AR: variants seen among roughly 807,000 people sequenced by gnomAD.
AR encodes the protein dihydrotestosterone receptor.
A neutral mutation model predicts 53.9 loss-of-function variants in AR; 8 were observed. That is an observed-to-expected ratio of 0.15 (90% CI 0.09 to 0.27). AR has a LOEUF of 0.27. AR is among the 10% of genes least tolerant of loss of function. The probability of loss-of-function intolerance (pLI) is 1.00; values close to 1 mark genes in which losing one functional copy is unlikely to be tolerated. For synonymous variants in AR, 359 were observed against 316.4 expected (o/e 1.13, Z -1.43); for missense variants, 639 against 742.5 (o/e 0.86, Z 1.62).
intron 2 of AR, among the ~76,000 whole-genome samples, chrX:67,677,112 A>G (rs2075904810): frequency 9.0e-6 from 1 of 110,816 alleles, no homozygotes. Flanking sequence ...AAACTCACTA[A>G]GACTGAAGGC....
At chrX:67,641,433 A>C (rs544941115) in intron 1 of AR, among the ~76,000 whole-genome samples, 20 of 111,898 alleles carry the variant, frequency 1.8e-4, no homozygotes, top group African/African-American at 5.8e-4. Flanking sequence ...ACTTGTGAAA[A>C]TTTTCTATTT....
In AR at chrX:67,546,589, C is replaced by T. The variant is rs766161615; in HGVS notation, c.1443C>T (p.Tyr481=). 2.9e-5 allele frequency: 34 copies of T among 1,163,206 alleles called. No individual in the cohort carries two copies. Among genetic ancestry groups the T allele is most frequent in the Non-Finnish European group, 3.4e-5 (30 of 871,832 alleles). Reference sequence around the variant, plus strand: ...GCGAGGCGGGAGCTGTAGCCCCCTACGGCTACACTCGGCCCCCTCAGGGGC... The same window carrying T: ...GCGAGGCGGGAGCTGTAGCCCCCTATGGCTACACTCGGCCCCCTCAGGGGC... The part of the protein sequence containing the change: ...GGGEAGAVAP[Y]GYTRPPQGLA... The change falls in exon 1 of 8, where the codon TAC becomes TAT. Residue 481 remains tyrosine (Y), a synonymous_variant. Transcript: ENST00000374690.
intron 1 of AR, among the ~76,000 whole-genome samples, chrX:67,559,139 A>T (rs1276567133): frequency 1.8e-5 from 2 of 112,388 alleles, no homozygotes; most frequent in African/African-American, 3.2e-5. Flanking sequence ...AAGCACTCTT[A>T]GAAGGAAGGA....
Position 67,640,577 on chromosome X carries a change from C to A in AR, c.1617-2679C>A, listed in dbSNP as rs536458144. 2.3e-4 allele frequency among the ~76,000 whole-genome samples: 26 copies of A among 111,130 alleles called. 1 individual carries two copies. The South Asian group carries it at 9.2e-3, about 39-fold the overall frequency. On this transcript the variant is annotated intron_variant, in intron 1 of 7. Transcript: ENST00000374690. ...TATGCGTTCAGGAATTTATCTATTT[C>A]TTCTAGATTTTCTATTTTATTTGCC... is the stretch of plus-strand genomic sequence containing the variant.
At chrX:67,700,828 A>C (rs1431046050) in intron 3 of AR, among the ~76,000 whole-genome samples, 1 of 112,089 alleles carries the variant, frequency 8.9e-6, no homozygotes, top group Non-Finnish European at 1.9e-5. Context: ...CATCCCAGGG[A>C]GATCTGAGTC....
intron 3 of AR, chrX:67,689,891 C>G (rs2075986427): frequency 4.7e-6 from 1 of 210,720 alleles, no homozygotes; most frequent in Non-Finnish European, 7.0e-6. Context: ...AGGGTACACT[C>G]CTTGTTTCCA....
intron 1 of AR, among the ~76,000 whole-genome samples, chrX:67,630,136 T>A (rs1924988501): frequency 9.0e-6 from 1 of 111,406 alleles, no homozygotes; most frequent in Admixed American, 9.5e-5. Context: ...TAGAGAGTTC[T>A]GTAGATGTCT....
intron 3 of AR, among the ~76,000 whole-genome samples, chrX:67,702,152 A>C (rs1443978851): frequency 2.7e-5 from 3 of 111,763 alleles, no homozygotes; most frequent in Non-Finnish European, 5.6e-5. Flanking sequence ...TAGGGATAAG[A>C]AATATCTTTA....
chrX:67,625,881 A>G (rs1924604637), intron 1 of AR, among the ~76,000 whole-genome samples: 1 of 111,203 alleles, frequency 9.0e-6, no homozygotes, highest in Non-Finnish European at 1.9e-5. Flanking sequence ...CAAAAGCACA[A>G]GCAATAAGAG....
chrX:67,694,655 G>T, intron 3 of AR: 1 of 1,154,174 alleles, frequency 8.7e-7, no homozygotes, highest in Non-Finnish European at 1.1e-6. Flanking sequence ...AGTCAACAAT[G>T]TCTCTCTTTC....
chrX:67,589,195 G>A (rs1035965935), intron 1 of AR, among the ~76,000 whole-genome samples: 2 of 109,785 alleles, frequency 1.8e-5, no homozygotes, highest in African/African-American at 6.6e-5. Context: ...CCCGGGAAGC[G>A]GAGCTTGCAG....
intron 2 of AR, among the ~76,000 whole-genome samples, chrX:67,648,686 A>T (rs1280409425): frequency 8.9e-6 from 1 of 112,199 alleles, no homozygotes; most frequent in Admixed American, 9.5e-5. Flanking sequence ...TTGCTGCTTC[A>T]TGGTGGCCTT....
chrX:67,564,156 A>AT (rs1227646240), intron 1 of AR, among the ~76,000 whole-genome samples: 4 of 111,511 alleles, frequency 3.6e-5, no homozygotes, highest in Admixed American at 1.9e-4. Flanking sequence ...AGATTAAAAC[A>AT]TTTTTTTAAC....
At chrX:67,573,593 T>C (rs937786474) in intron 1 of AR, among the ~76,000 whole-genome samples, 5 of 111,407 alleles carry the variant, frequency 4.5e-5, no homozygotes, top group Non-Finnish European at 7.5e-5. Context: ...TACATTTCTA[T>C]TGCCTTTTTG....
chrX:67,663,465 TG>T (rs1436379369), intron 2 of AR, among the ~76,000 whole-genome samples: 2 of 112,603 alleles, frequency 1.8e-5, no homozygotes, highest in Non-Finnish European at 3.7e-5. Flanking sequence ...CACTCTCTTC[TG>T]GCTTGTAGAG....
intron 3 of AR, chrX:67,695,683 G>C: frequency 1.3e-6 from 1 of 750,757 alleles, no homozygotes; most frequent in Non-Finnish European, 1.6e-6. Flanking sequence ...AGAGTCAGAA[G>C]GACTCTCCCT....
chrX:67,708,219 G>T (rs942650510), intron 3 of AR, among the ~76,000 whole-genome samples: 1 of 111,858 alleles, frequency 8.9e-6, no homozygotes, highest in African/African-American at 3.2e-5. Flanking sequence ...TTCTCCTGGG[G>T]AATATCCTGC....
chrX:67,713,223 A>C (rs2076100592), intron 4 of AR, among the ~76,000 whole-genome samples: 1 of 109,710 alleles, frequency 9.1e-6, no homozygotes, highest in Non-Finnish European at 1.9e-5. Flanking sequence ...TGTATTTCCA[A>C]CTCACAGGGC....
At chrX:67,663,131 G>A (rs1927037500) in intron 2 of AR, among the ~76,000 whole-genome samples, 1 of 111,369 alleles carries the variant, frequency 9.0e-6, no homozygotes, top group South Asian at 3.8e-4. Context: ...TACATTTAAG[G>A]TTAATATTGT....
Sources: allele counts gnomAD v4.1 joint callset (sites outside exome capture counted in the v4.1 genomes callset), GRCh38; gene constraint gnomAD v4.1.1; transcripts MANE v1.5; gene names NCBI Gene and HGNC (gene_info 2026-07-23, HGNC 2026-07-21).